SLC9B1: variants seen among roughly 807,000 people sequenced by gnomAD.
The protein encoded by SLC9B1 is solute carrier family 9 member B1.
Under a neutral mutation model 51.7 loss-of-function variants are expected in SLC9B1, and 32 were observed. The ratio of observed to expected loss-of-function variants is 0.62; its 90% CI spans 0.47 to 0.83. The LOEUF (loss-of-function observed/expected upper bound fraction) is 0.83, where lower values mean the gene tolerates loss of function less well. Ranked by LOEUF, SLC9B1 falls within the 40% of genes least tolerant of loss-of-function variation. The pLI is 0.00. For synonymous variants in SLC9B1, 145 were observed against 212.7 expected (o/e 0.68, Z 2.77); for missense variants, 406 against 613.2 (o/e 0.66, Z 3.57).
At chr4:103,018,813 G>T (rs1741558861) in intron 1 of SLC9B1, among the ~76,000 whole-genome samples, 1 of 152,164 alleles carries the variant, frequency 6.6e-6, no homozygotes. Context: ...CAGCAGACAG[G>T]TACAGGTTTG....
chr4:102,990,141 G>C (rs930431176), intron 2 of SLC9B1, among the ~76,000 whole-genome samples, 200 bp from the exon 3 acceptor site: 3 of 152,002 alleles, frequency 2.0e-5, no homozygotes, highest in African/African-American at 7.2e-5. Flanking sequence ...TACCTTGATT[G>C]AACCTTTTAT....
rs558359274 is a variant in SLC9B1 at position 102,919,112 on chromosome 4, C to T, written c.830-7575G>A. ...CCCTCCTAGGCCTCCAACCCTGTGA[C>T]GGGAGGGGCTGTTGTGAAGAACTCT... On this transcript the variant is annotated intron_variant, in intron 7 of 11. Transcript: ENST00000296422. 1.5e-3 allele frequency among the ~76,000 whole-genome samples: 235 copies of T among 152,238 alleles called. No individual in the cohort carries two copies. In the Middle Eastern group the frequency reaches 0.017, roughly 11 times the overall value.
At chr4:102,946,338 T>G (rs1578369873) in intron 5 of SLC9B1, among the ~76,000 whole-genome samples, 1 of 152,102 alleles carries the variant, frequency 6.6e-6, no homozygotes, top group African/African-American at 2.4e-5. Flanking sequence ...TGAGACGGAG[T>G]CTCGCTCTGT....
chr4:102,943,968 G>A (rs1450812135), intron 6 of SLC9B1, among the ~76,000 whole-genome samples: 2 of 152,140 alleles, frequency 1.3e-5, no homozygotes, highest in Non-Finnish European at 2.9e-5. Flanking sequence ...GCACATAGGA[G>A]GGGGTATATC....
chr4:102,901,960 A>G (rs142284946), intron 11 of SLC9B1, among the ~76,000 whole-genome samples: 2 of 152,310 alleles, frequency 1.3e-5, no homozygotes, highest in African/African-American at 4.8e-5. Context: ...GGTTGTGAAA[A>G]TTAAATATGA....
At chr4:102,965,047 C>T (rs1738349550) in intron 3 of SLC9B1, among the ~76,000 whole-genome samples, 1 of 152,018 alleles carries the variant, frequency 6.6e-6, no homozygotes, top group Non-Finnish European at 1.5e-5. Flanking sequence ...CTTACTAGAA[C>T]TAAGAGGGTG....
chr4:102,936,797 A>G (rs1448671706), intron 6 of SLC9B1, among the ~76,000 whole-genome samples: 1 of 152,216 alleles, frequency 6.6e-6, no homozygotes, highest in Admixed American at 6.5e-5. Flanking sequence ...AAAGAAAGGG[A>G]GAAAGAATAA....
intron 11 of SLC9B1, 121 bp downstream of exon 11, chr4:102,905,393 A>C (rs2110426001): frequency 9.5e-7 from 1 of 1,050,442 alleles, no homozygotes; most frequent in East Asian, 2.4e-5. Context: ...GTTATGATCA[A>C]TCAAACATTT....
At chr4:103,011,955 T>C (rs963933570) in intron 1 of SLC9B1, among the ~76,000 whole-genome samples, 8 of 152,300 alleles carry the variant, frequency 5.3e-5, no homozygotes, top group African/African-American at 1.9e-4. Context: ...ACTTGATGAA[T>C]AACATCTGGC....
intron 11 of SLC9B1, among the ~76,000 whole-genome samples, chr4:102,895,290 G>T (rs1413242039): frequency 1.3e-5 from 2 of 152,154 alleles, no homozygotes; most frequent in Non-Finnish European, 2.9e-5. Flanking sequence ...TGAAGGCTTT[G>T]AAGTGACACA....
At chr4:102,959,952 AT>A (rs1424425972) in intron 3 of SLC9B1, among the ~76,000 whole-genome samples, 2 of 152,162 alleles carry the variant, frequency 1.3e-5, no homozygotes, top group African/African-American at 4.8e-5. Context: ...AAGTTTACCT[AT>A]GTTACAAACC....
chr4:102,919,568 G>A (rs966865600), intron 7 of SLC9B1, among the ~76,000 whole-genome samples: 5 of 152,210 alleles, frequency 3.3e-5, no homozygotes, highest in African/African-American at 9.6e-5. Context: ...GAGAGTGGGT[G>A]CAGGCCCACA....
At chr4:102,967,485 G>A (rs1738491717) in intron 3 of SLC9B1, among the ~76,000 whole-genome samples, 1 of 152,186 alleles carries the variant, frequency 6.6e-6, no homozygotes, top group East Asian at 1.9e-4. Context: ...ACTGGCATCT[G>A]CTTGGGTTCT....
chr4:102,948,194 G>A (rs535713560), intron 4 of SLC9B1, among the ~76,000 whole-genome samples: 12 of 151,704 alleles, frequency 7.9e-5, no homozygotes, highest in Admixed American at 2.0e-4. Flanking sequence ...TTTATTCATC[G>A]TACAATCCAC....
chr4:102,971,998 A>G (rs1738787789), intron 3 of SLC9B1, among the ~76,000 whole-genome samples: 1 of 152,140 alleles, frequency 6.6e-6, no homozygotes, highest in Non-Finnish European at 1.5e-5. Flanking sequence ...GCAATAATTA[A>G]TTAGCCTACC....
chr4:102,898,863 G>A (rs1249530657), downstream of SLC9B1, among the ~76,000 whole-genome samples: 2 of 152,164 alleles, frequency 1.3e-5, no homozygotes, highest in South Asian at 2.1e-4. Flanking sequence ...GAGTAGCCGG[G>A]ACTACAGGCA....
chr4:102,892,748 A>C (rs1734315279), intron 11 of SLC9B1: 2 of 152,230 alleles, frequency 1.3e-5, no homozygotes, highest in African/African-American at 2.4e-5. Context: ...AGGGTAGTAC[A>C]TTTCATAATT....
At chr4:102,922,702 C>G (rs1035841712) in intron 7 of SLC9B1, among the ~76,000 whole-genome samples, 11 of 151,856 alleles carry the variant, frequency 7.2e-5, no homozygotes, top group Admixed American at 1.3e-4. Context: ...CAAATAGATG[C>G]AATAAAAATG....
intron 3 of SLC9B1, among the ~76,000 whole-genome samples, chr4:102,966,781 C>G (rs1224724632): frequency 6.6e-6 from 1 of 152,164 alleles, no homozygotes; most frequent in Non-Finnish European, 1.5e-5. Flanking sequence ...TTCTGCTGCA[C>G]CCTTGGATTC....
Sources: allele counts gnomAD v4.1 joint callset (sites outside exome capture counted in the v4.1 genomes callset), GRCh38; gene constraint gnomAD v4.1.1; transcripts MANE v1.5; gene names NCBI Gene and HGNC (gene_info 2026-07-23, HGNC 2026-07-21).